Variants in MROH1 observed in about 807,000 individuals in gnomAD.
MROH1 encodes the protein maestro heat like repeat family member 1, also known as maestro heat-like repeat-containing protein family member 1.
In MROH1, 117 loss-of-function variants were observed where a neutral mutation model predicts 116.5. The ratio of observed to expected loss-of-function variants is 1.00; its 90% CI spans 0.86 to 1.17. The LOEUF is 1.17. Among genes scored for constraint, MROH1 ranks in the 50% most tolerant of loss-of-function variants. The pLI, the probability that MROH1 is intolerant of heterozygous loss-of-function variation, is 0.00. For missense variants in MROH1, 1,873 were observed against 1,338.5 expected (o/e 1.40, Z -6.23); for synonymous variants, 921 against 583.9 (o/e 1.58, Z -8.32).
chr8:144,260,023 G>GCCTGGCCAA lies in MROH1; in HGVS notation c.4165_4173dup (p.Asn1389_Ala1391dup), dbSNP rs1186435567. 3 of 726,336 alleles carry GCCTGGCCAA rather than the reference G, an allele frequency of 4.1e-6. No homozygotes were observed. Among genetic ancestry groups the GCCTGGCCAA allele is most frequent in the Non-Finnish European group, 7.6e-6 (3 of 397,146 alleles). 45.0% of individuals were successfully genotyped at this position (726,336 alleles called of 1,614,324 possible). A position where few individuals can be genotyped will look rare whatever the true frequency, so the allele number is the denominator to read the frequency against. ...AGCGTGCGGAGGCTGGTGCTCCGCG[G>GCCTGGCCAA]CCTGGCCAACCTGGCCTCCGGCTGC... On this transcript the variant is annotated inframe_insertion, in exon 38 of 44. Coordinates refer to ENST00000326134, the MANE Select transcript of MROH1 (RefSeq NM_032450.3).
Position 144,185,813 on chromosome 8 carries a change from G to A in MROH1, c.563-4971G>A, listed in dbSNP as rs1294201656. 4.1e-4 allele frequency among the ~76,000 whole-genome samples: 50 copies of A among 122,480 alleles called. No homozygotes were observed. In the South Asian group the frequency reaches 0.015, roughly 38 times the overall value. 80.4% of individuals were successfully genotyped at this position (122,480 alleles called of 152,430 possible). On this transcript the variant is annotated intron_variant, in intron 7 of 43. Transcript: ENST00000326134. ...GGGGGAGGGGGAGGGGCGGCGCAGG[G>A]ACCTCGAGGGGACGTGAGGGGCAGT...
intron 22 of MROH1, among the ~76,000 whole-genome samples, chr8:144,241,795 C>T (rs1841032920): frequency 6.6e-6 from 1 of 152,172 alleles, no homozygotes; most frequent in Non-Finnish European, 1.5e-5. Flanking sequence ...AGGCCTCTGC[C>T]CCCTGGTGGC....
chr8:144,190,861 G>A lies in MROH1; in HGVS notation c.640G>A (p.Asp214Asn). The A allele has an allele frequency of 6.2e-7, 1 of 1,613,828 alleles. No individual in the cohort carries two copies. Among genetic ancestry groups the A allele is most frequent in the Non-Finnish European group, 8.5e-7 (1 of 1,179,884 alleles). The change falls in exon 8 of 44, where the codon GAC becomes AAC. Residue 214 changes from aspartate to asparagine, a missense_variant. Asp to Asn is a conservative substitution (Grantham distance 23). Transcript: ENST00000326134. ...AGCCCCAGACCCCACGGTCAGGAAGGACGCCTTTGCCACCGACATCTTCAG... is the reference window on the plus strand; with the variant it reads ...AGCCCCAGACCCCACGGTCAGGAAGAACGCCTTTGCCACCGACATCTTCAG... ...DRAPDPTVRK[D>N]AFATDIFSAY...
At chr8:144,194,042 A>G (rs1310973542) in intron 10 of MROH1, among the ~76,000 whole-genome samples, 1 of 151,434 alleles carries the variant, frequency 6.6e-6, no homozygotes, top group Non-Finnish European at 1.5e-5. Flanking sequence ...AGTTCAATCA[A>G]TGCAGAAAAA....
intron 14 of MROH1, among the ~76,000 whole-genome samples, chr8:144,229,927 G>A (rs933187504): frequency 1.3e-5 from 2 of 151,814 alleles, no homozygotes; most frequent in African/African-American, 4.9e-5. Flanking sequence ...CCAGCTACTC[G>A]GGAAGCTGAG....
At chr8:144,194,283 G>A (rs190884705) in intron 10 of MROH1, among the ~76,000 whole-genome samples, 109 of 152,068 alleles carry the variant, frequency 7.2e-4, no homozygotes, top group African/African-American at 2.5e-3. Context: ...GGCTGGTCAC[G>A]AACTCCTGAC....
rs1334009564 is a variant in MROH1, at chr8:144,247,379, C to T, written c.2950C>T (p.Arg984Cys). The stretch of plus-strand genomic sequence containing the variant: ...GTGTGCGGACCTGTGGCCTGCCACC[C>T]GCCAGGAGGCCGTGGACTGTGTCTA... Reference protein sequence around the residue: ...PRCADLWPATRQEAVDCVYSL... With the variant: ...PRCADLWPATCQEAVDCVYSL... Residue 984 changes from arginine to cysteine, a missense_variant, in exon 30 of 44, where the codon CGC becomes TGC. Physicochemically the swap from Arg to Cys is radical, Grantham distance 180. Coordinates refer to ENST00000326134, the MANE Select transcript of MROH1 (RefSeq NM_032450.3). 4.1e-5 allele frequency: 32 copies of T among 771,206 alleles called. No individual in the cohort carries two copies. Among genetic ancestry groups the T allele is most frequent in the Non-Finnish European group, 7.5e-5 (31 of 414,024 alleles). The allele number at this position is 771,206 out of a possible 1,614,324, so 47.8% of individuals were successfully genotyped here. A position where few individuals can be genotyped will look rare whatever the true frequency, so the allele number is the denominator to read the frequency against.
chr8:144,228,908 C>A (rs1331251552), intron 14 of MROH1, among the ~76,000 whole-genome samples: 1 of 152,212 alleles, frequency 6.6e-6, no homozygotes, highest in Non-Finnish European at 1.5e-5. Flanking sequence ...TCCTCTCAAA[C>A]CCTGCCACTG....
At chr8:144,253,497 T>C (rs1588510115) in intron 33 of MROH1, among the ~76,000 whole-genome samples, 2 of 152,192 alleles carry the variant, frequency 1.3e-5, no homozygotes, top group Non-Finnish European at 2.9e-5. Context: ...GTATGCAGCC[T>C]CATGGGGGCC....
chr8:144,255,049 C>A, intron 34 of MROH1, 71 bp downstream of exon 34: 2 of 682,816 alleles, frequency 2.9e-6, no homozygotes, highest in Non-Finnish European at 2.7e-6. Flanking sequence ...CGGGGGCAGG[C>A]CTTTTGATGA....
In MROH1 at chr8:144,163,363, G is replaced by C. The variant is rs7461665; in HGVS notation, c.-56-408G>C. Among the ~76,000 whole-genome samples the C allele has an allele frequency of 0.82, 124,939 of 152,186 alleles. 53,406 individuals are homozygous for C. The highest frequency in any genetic ancestry group is 1 in the East Asian group (5,180 of 5,182). ...ACGCTTCCTGGACTCGATTCTTAGG[G>C]ACCATTGTTGCATGCAGTGGCGCAT... On this transcript the variant is annotated intron_variant, in intron 2 of 43. Coordinates refer to ENST00000326134, the MANE Select transcript of MROH1 (RefSeq NM_032450.3). The surrounding 1 kb of genome is among the most constrained non-coding windows in gnomAD (Gnocchi z 4.4).
chr8:144,192,349 GC>G lies in MROH1; in HGVS notation c.898del (p.Arg300AlafsTer29). ...QILEAAVSVGSRTLETQLDAL... is the reference protein window; with the variant it reads ...QILEAAVSVGXRTLETQLDAL... ...CTCGAGGCAGCTGTGAGTGTGGGCA[GC>G]CGCACACTGGAGACCCAGCTGGATG... On this transcript the variant is annotated frameshift_variant, in exon 10 of 44. Coordinates refer to ENST00000326134, the MANE Select transcript of MROH1 (RefSeq NM_032450.3). LOFTEE classifies it high-confidence loss of function. The G allele has an allele frequency of 6.2e-7, 1 of 1,600,276 alleles. No individual in the cohort carries two copies. The highest frequency in any genetic ancestry group is 8.5e-7 in the Non-Finnish European group (1 of 1,176,266).
At chr8:144,162,211 A>T (rs1712659867) in intron 2 of MROH1, among the ~76,000 whole-genome samples, 1 of 149,200 alleles carries the variant, frequency 6.7e-6, no homozygotes, top group Admixed American at 6.7e-5. Flanking sequence ...CAGCCTCCTG[A>T]GTAGCTGGGA....
At chr8:144,178,347 G>A (rs1824619093) in intron 4 of MROH1, among the ~76,000 whole-genome samples, 1 of 151,852 alleles carries the variant, frequency 6.6e-6, no homozygotes, top group South Asian at 2.1e-4. Flanking sequence ...GGCCAGGCTG[G>A]TCTCGAACCC....
intron 7 of MROH1, among the ~76,000 whole-genome samples, chr8:144,183,031 G>T (rs1393921782): frequency 6.6e-6 from 1 of 151,804 alleles, no homozygotes; most frequent in Admixed American, 6.6e-5. Context: ...AGCCAAGATT[G>T]CACCACTGTA....
intron 10 of MROH1, among the ~76,000 whole-genome samples, chr8:144,198,482 A>G (rs1830423090): frequency 6.6e-6 from 1 of 152,166 alleles, no homozygotes; most frequent in South Asian, 2.1e-4. Context: ...CGGTGGCACC[A>G]TTACAGCTCA....
At chr8:144,185,573 C>T (rs1826783527) in intron 7 of MROH1, among the ~76,000 whole-genome samples, 1 of 55,376 alleles carries the variant, frequency 1.8e-5, no homozygotes, top group Admixed American at 2.8e-4. Context: ...CGGTGAGGGG[C>T]GGCGCAGGGG....
At chr8:144,201,249 CAG>C (rs1381137065) in intron 12 of MROH1, 2 of 152,024 alleles carry the variant, frequency 1.3e-5, no homozygotes, top group African/African-American at 2.4e-5. Flanking sequence ...TTAGTAGAGA[CAG>C]GGTTTCACCA....
rs977609039 is a variant in MROH1, at chr8:144,260,293, G to C, written c.4299G>C (p.Arg1433Ser). ...TGGAGGCCATGCTGGGCCTTGCGAG[G>C]CTGGTGCACCTGGTGGAGTCCTGGG... ...VALEAMLGLA[R>S]LVHLVESWDL... The change falls in exon 39 of 44, where the codon AGG becomes AGC. Residue 1433 changes from arginine (R) to serine (S), a missense_variant. Coordinates refer to ENST00000326134, the MANE Select transcript of MROH1 (RefSeq NM_032450.3). 1.3e-6 allele frequency: 1 copy of C among 758,784 alleles called. No homozygotes were observed. The highest frequency in any genetic ancestry group is 2.4e-6 in the Non-Finnish European group (1 of 413,514). 47.0% of individuals were successfully genotyped at this position (758,784 alleles called of 1,614,324 possible). A position where few individuals can be genotyped will look rare whatever the true frequency, so the allele number is the denominator to read the frequency against.
Sources: gnomAD v4.1 joint callset for allele counts (sites outside exome capture counted in the v4.1 genomes callset) on GRCh38, gnomAD v4.1.1 for gene constraint, Gnocchi (gnomAD v3.1) non-coding constraint, MANE v1.5 for transcripts, NCBI Gene and HGNC (gene_info 2026-07-23, HGNC 2026-07-21) for gene names.